NOP56: variants seen among roughly 807,000 people sequenced by gnomAD.
NOP56 encodes the protein nucleolar protein 56.
In NOP56, 31 loss-of-function variants were observed where a neutral mutation model predicts 58.3. The ratio of observed to expected loss-of-function variants is 0.53; its 90% CI spans 0.40 to 0.72. NOP56 has a LOEUF of 0.72. NOP56 is among the 30% of genes least tolerant of loss of function. The probability of loss-of-function intolerance (pLI) is 0.00; values close to 1 mark genes in which losing one functional copy is unlikely to be tolerated. For missense variants in NOP56, 669 were observed against 739.9 expected (o/e 0.90, Z 1.11); for synonymous variants, 313 against 282.8 (o/e 1.11, Z -1.07).
chr20:2,655,742 A>G lies in NOP56; in HGVS notation c.905A>G (p.Glu302Gly), dbSNP rs1354768512. ...CCCAGCCTGTCAGCCCTAATTGGGG[A>G]AGCGGTGCGTCACAGGGGACTCAAA... Reference protein sequence around the residue: ...VAPSLSALIGEAVGARLIAHA... With the variant: ...VAPSLSALIGGAVGARLIAHA... Residue 302 changes from glutamate (E) to glycine (G), a missense_variant, in exon 7 of 12, where the codon GAA (glutamate) becomes GGA (glycine). Around this residue, in one of 3 missense-constraint regions of NOP56, gnomAD observed 339 missense variants for 430.5 expected, o/e 0.79. Transcript: ENST00000329276. The G allele has an allele frequency of 1.2e-6, 2 of 1,614,152 alleles. No homozygotes were observed. The highest frequency in any genetic ancestry group is 1.7e-6 in the Non-Finnish European group (2 of 1,180,024).
Position 2,658,048 on chromosome 20 carries a change from C to T in NOP56, c.1539C>T (p.Ser513=). The change falls in exon 12 of 12, where the codon TCC becomes TCT. Residue 513 remains serine (S), a synonymous_variant. Coordinates refer to ENST00000329276, the MANE Select transcript of NOP56 (RefSeq NM_006392.4). ...AACCCAAGAAAAAGAAATCTTTTTCCAAGGAGGAGTTGATGAGTAGCGATC... is the reference window on the plus strand; with the variant it reads ...AACCCAAGAAAAAGAAATCTTTTTCTAAGGAGGAGTTGATGAGTAGCGATC... The part of the protein sequence containing the change: ...FSKPKKKKSF[S]KEELMSSDLE... The T allele has an allele frequency of 6.2e-7, 1 of 1,613,406 alleles. No individual in the cohort carries two copies. Among genetic ancestry groups the T allele is most frequent in the South Asian group, 1.1e-5 (1 of 91,060 alleles).
At chr20:2,655,139 C>G in intron 5 of NOP56, 186 bp from the exon 6 acceptor site, 1 of 1,023,826 alleles carries the variant, frequency 9.8e-7, no homozygotes, top group Non-Finnish European at 1.5e-6. Context: ...GTAAACCTAC[C>G]CCATATACAC....
At chr20:2,654,620 G>C (rs372112956) in intron 4 of NOP56, 45 bp downstream of exon 4, 1 of 1,609,620 alleles carries the variant, frequency 6.2e-7, no homozygotes, top group Admixed American at 1.7e-5. Flanking sequence ...GGACATTTTG[G>C]GGGAGGAGGT....
chr20:2,655,171 G>A, intron 5 of NOP56, 154 bp from the exon 6 acceptor site: 5 of 1,120,664 alleles, frequency 4.5e-6, no homozygotes, highest in Non-Finnish European at 5.5e-6. Flanking sequence ...CCCTGTGCCT[G>A]GTCTGTATTG....
At chr20:2,652,975 C>G in intron 2 of NOP56, 44 bp downstream of exon 2, 1 of 1,508,068 alleles carries the variant, frequency 6.6e-7, no homozygotes, top group Non-Finnish European at 9.0e-7. Context: ...CGCAGACCCT[C>G]ATCGCGCGGG....
chr20:2,652,934 G>A lies in NOP56; in HGVS notation c.93+3G>A, dbSNP rs1488943375. The A allele has an allele frequency of 3.8e-6, 6 of 1,595,634 alleles. No homozygotes were observed. The highest frequency in any genetic ancestry group is 3.3e-5 in the South Asian group (3 of 89,728). ...AGATCAGTCTGCTGCAGCCGCAGGT[G>A]GGTGAGATCCGTGGGCTCCTTTGGC... is the stretch of plus-strand genomic sequence containing the variant. On this transcript the variant is annotated splice_donor_region_variant and intron_variant, in intron 2 of 11. Transcript: ENST00000329276.
intron 2 of NOP56, 144 bp downstream of exon 2, chr20:2,653,075 T>TA (rs1028401288): frequency 1.3e-6 from 1 of 799,818 alleles, no homozygotes; most frequent in Non-Finnish European, 2.0e-6. Context: ...CGGGGGTCTT[T>TA]ACCTTGACCC....
At chr20:2,657,655 C>T (rs2086843884) in intron 11 of NOP56, 2 of 517,468 alleles carry the variant, frequency 3.9e-6, no homozygotes, top group Non-Finnish European at 6.8e-6. Flanking sequence ...AGGGCCCTGT[C>T]TGGAACTTGG....
chr20:2,657,823 A>G, intron 11 of NOP56, 106 bp from the exon 12 acceptor site: 1 of 1,277,818 alleles, frequency 7.8e-7, no homozygotes, highest in South Asian at 1.6e-5. Flanking sequence ...TATCCCAGAA[A>G]CACTGGGCAA....
chr20:2,657,646 G>T, intron 11 of NOP56: 1 of 519,592 alleles, frequency 1.9e-6, no homozygotes, highest in Non-Finnish European at 3.4e-6. Flanking sequence ...CAGTGTTTCA[G>T]GGCCCTGTCT....
chr20:2,654,415 G>A lies in NOP56; in HGVS notation c.210G>A (p.Gly70=). 1 of 1,614,082 alleles carries A rather than the reference G, an allele frequency of 6.2e-7. No individual in the cohort carries two copies. Among genetic ancestry groups the A allele is most frequent in the Non-Finnish European group, 8.5e-7 (1 of 1,180,004 alleles). The change falls in exon 4 of 12, where the codon GGG becomes GGA. Residue 70 remains glycine (G), a splice_region_variant and synonymous_variant. Transcript: ENST00000329276. ...ALENANAVSE[G]VVHEDLRLLL... The stretch of plus-strand genomic sequence containing the variant: ...GGGAACTGTGTTCTTTCCCCTGAGG[G>A]GTTGTTCATGAGGACCTCCGCCTGC...
At chr20:2,657,255 T>C in intron 11 of NOP56, 37 bp downstream of exon 11, 1 of 1,613,170 alleles carries the variant, frequency 6.2e-7, no homozygotes, top group Non-Finnish European at 8.5e-7. Context: ...AGATCCTAGG[T>C]TGTAGGATTT....
At chr20:2,656,603 G>A (rs1415395988) in intron 9 of NOP56, 54 bp downstream of exon 9, 2 of 1,610,004 alleles carry the variant, frequency 1.2e-6, no homozygotes, top group Non-Finnish European at 8.5e-7. Flanking sequence ...GGCTGGGTGG[G>A]GAGGCTTGCA....
At position 2,653,283 on chromosome 20, in the gene NOP56, A is replaced by G. The variant is rs1254808713; in HGVS notation, c.98A>G (p.Glu33Gly). The change falls in exon 3 of 12, where the codon GAG becomes GGG. Residue 33 changes from glutamate (E) to glycine (G), a missense_variant. This residue lies in a region of NOP56 where 121 missense variants were observed against 113.1 expected (regional missense o/e 1.07). Coordinates refer to ENST00000329276, the MANE Select transcript of NOP56 (RefSeq NM_006392.4). ...TTAGCCTCTTTCTCCCCCCAGGTGG[A>G]GGAGTCTGTGCTCAACCTGGGCAAA... ...EEISLLQPQV[E>G]ESVLNLGKFH... 2 of 1,612,864 alleles carry G rather than the reference A, an allele frequency of 1.2e-6. No homozygotes were observed. The highest frequency in any genetic ancestry group is 1.7e-6 in the Non-Finnish European group (2 of 1,178,946).
rs542648737 is a variant in NOP56, at chr20:2,654,739, CTCT to C, written c.371-5_371-3del. ...GCCCCTTGTTGCTCACCGTCTTGCC[CTCT>C]TCTTAGGAGTTCGTCTGCACTTCCA... On this transcript the variant is annotated splice_region_variant and splice_polypyrimidine_tract_variant and intron_variant, in intron 4 of 11. Coordinates refer to ENST00000329276, the MANE Select transcript of NOP56 (RefSeq NM_006392.4). 1,641 of 1,613,466 alleles carry C rather than the reference CTCT, an allele frequency of 1.0e-3. 1 individual carries two copies. The highest frequency in any genetic ancestry group is 1.3e-3 in the Non-Finnish European group (1,577 of 1,180,018).
At chr20:2,657,708 GTTT>G (rs35964304) in intron 11 of NOP56, 1 of 485,876 alleles carries the variant, frequency 2.1e-6, no homozygotes, top group Non-Finnish European at 3.6e-6. Flanking sequence ...TGTTTTTTAG[GTTT>G]TTTTTTTTAA....
In NOP56 at chr20:2,654,459, C is replaced by T. The variant is rs761498010; in HGVS notation, c.254C>T (p.Pro85Leu). 6.8e-6 allele frequency: 11 copies of T among 1,614,068 alleles called. No homozygotes were observed. The highest frequency in any genetic ancestry group is 1.6e-4 in the Middle Eastern group (1 of 6,062). ...CGCCTGCTCTTGGAGACCCACCTGC[C>T]GTCCAAAAAGAAGAAAGTACTCTTG... ...DLRLLLETHL[P>L]SKKKKVLLGV... Residue 85 changes from proline (P) to leucine (L), a missense_variant, in exon 4 of 12, where the codon CCG (proline) becomes CTG (leucine). Pro to Leu is a moderately conservative substitution (Grantham distance 98). This residue lies in a region of NOP56 where 121 missense variants were observed against 113.1 expected (regional missense o/e 1.07). Coordinates refer to ENST00000329276, the MANE Select transcript of NOP56 (RefSeq NM_006392.4).
intron 3 of NOP56, 168 bp downstream of exon 3, chr20:2,653,561 T>C: frequency 1.6e-6 from 1 of 623,650 alleles, no homozygotes; most frequent in Non-Finnish European, 2.9e-6. Flanking sequence ...TTCACAGAGC[T>C]CAAGGTCTGG....
chr20:2,656,313 C>A, intron 8 of NOP56, 88 bp from the exon 9 acceptor site: 2 of 1,603,850 alleles, frequency 1.2e-6, no homozygotes, highest in South Asian at 1.1e-5. Flanking sequence ...CTCAGGACTT[C>A]GGGGTGAGAG....
Sources: allele counts gnomAD v4.1 joint callset, GRCh38; gene constraint gnomAD v4.1.1; regional missense constraint gnomAD v4.1.1; transcripts MANE v1.5; gene names NCBI Gene and HGNC (gene_info 2026-07-23, HGNC 2026-07-21).